TENM1: variants seen among roughly 807,000 people sequenced by gnomAD.
TENM1 encodes teneurin-1.
A neutral mutation model predicts 174.8 loss-of-function variants in TENM1; 35 were observed. The ratio of observed to expected loss-of-function variants is 0.20; its 90% CI spans 0.15 to 0.27. TENM1 has a LOEUF of 0.27. Among genes scored for constraint, TENM1 ranks in the 10% least tolerant of loss-of-function variants. The probability of loss-of-function intolerance (pLI) is 1.00; values close to 1 mark genes in which losing one functional copy is unlikely to be tolerated. For synonymous variants in TENM1, 781 were observed against 798.7 expected, an observed-to-expected ratio of 0.98 and a Z score of 0.37; for missense variants, 1,633 against 2,130.1, an observed-to-expected ratio of 0.77 and a Z score of 4.59.
chrX:125,191,542 A>C, the TENM1 span, among the ~76,000 whole-genome samples: 1 of 111,351 alleles, frequency 9.0e-6, no homozygotes, highest in Non-Finnish European at 1.9e-5. Context: ...TGATGAAGGA[A>C]CATTTGATCA....
chrX:125,069,821 A>C, the TENM1 span, among the ~76,000 whole-genome samples: 2 of 111,442 alleles, frequency 1.8e-5, no homozygotes, highest in Non-Finnish European at 3.8e-5. Flanking sequence ...GTTTTTTGAC[A>C]AATCTCCATA....
intron 3 of TENM1, among the ~76,000 whole-genome samples, chrX:124,825,158 C>CTTTTT (rs745471230): frequency 7.0e-3 from 427 of 60,879 alleles, no homozygotes; most frequent in Non-Finnish European, 9.2e-3. Flanking sequence ...AGCTGACTTT[C>CTTTTT]TTTTTTTTTT....
intron 23 of TENM1, among the ~76,000 whole-genome samples, chrX:124,439,567 T>C: frequency 9.0e-6 from 1 of 111,515 alleles, no homozygotes; most frequent in East Asian, 2.8e-4. Context: ...TTAAGACCAG[T>C]CTCTGGAACA....
chrX:124,992,648 A>G, the TENM1 span, among the ~76,000 whole-genome samples: 1 of 111,388 alleles, frequency 9.0e-6, no homozygotes, highest in Non-Finnish European at 1.9e-5. Context: ...CCCTCATTCC[A>G]GGGAAGGACC....
At chrX:124,942,283 T>C (rs1028296060) in intron 1 of TENM1, among the ~76,000 whole-genome samples, 2 of 111,734 alleles carry the variant, frequency 1.8e-5, no homozygotes, top group Non-Finnish European at 3.8e-5. Context: ...CTCTAGATTA[T>C]TGCAACATTT....
the TENM1 span, among the ~76,000 whole-genome samples, chrX:125,049,916 C>A: frequency 9.1e-6 from 1 of 109,473 alleles, no homozygotes; most frequent in Non-Finnish European, 1.9e-5. Context: ...GGATATGACT[C>A]TCTTATATGG....
At chrX:124,382,566 G>T in intron 31 of TENM1, 104 bp downstream of exon 34, 3 of 794,495 alleles carry the variant, frequency 3.8e-6, no homozygotes, top group Non-Finnish European at 5.4e-6. Context: ...GAATATTCAA[G>T]AAGACTAAAA....
chrX:124,832,014 A>C (rs2056299866), intron 3 of TENM1, among the ~76,000 whole-genome samples: 1 of 111,690 alleles, frequency 9.0e-6, no homozygotes, highest in Non-Finnish European at 1.9e-5. Flanking sequence ...GCAGTGCATA[A>C]TATACAATGC....
intron 1 of TENM1, among the ~76,000 whole-genome samples, chrX:124,903,722 A>G (rs2057700245): frequency 8.9e-6 from 1 of 111,978 alleles, no homozygotes. Context: ...GAGTCTGGAA[A>G]AAGAATCAGG....
chrX:124,884,339 G>A (rs1603260850), intron 3 of TENM1, among the ~76,000 whole-genome samples: 2 of 108,645 alleles, frequency 1.8e-5, no homozygotes, highest in African/African-American at 3.4e-5. Flanking sequence ...TGGAGACCGA[G>A]CTCTCAAAAT....
intron 14 of TENM1, among the ~76,000 whole-genome samples, chrX:124,558,846 G>A (rs563798029): frequency 3.2e-4 from 35 of 110,801 alleles, no homozygotes; most frequent in Middle Eastern, 4.7e-3. Flanking sequence ...CTAAAGAGAC[G>A]ATCATAAAAA....
chrX:124,406,419 G>C, exon 26 of TENM1: 1 of 1,209,432 alleles, frequency 8.3e-7, no homozygotes, highest in Non-Finnish European at 1.1e-6. Flanking sequence ...AGCTTCTCCA[G>C]GTCACTGTGG....
intron 7 of TENM1, among the ~76,000 whole-genome samples, chrX:124,652,381 T>A (rs2051330762): frequency 9.0e-6 from 1 of 111,502 alleles, no homozygotes; most frequent in Non-Finnish European, 1.9e-5. Context: ...CAACAAATTT[T>A]ATAAAAATTT....
the TENM1 span, among the ~76,000 whole-genome samples, chrX:125,144,271 A>T: frequency 8.9e-6 from 1 of 111,944 alleles, no homozygotes; most frequent in African/African-American, 3.2e-5. Context: ...AGCTTACTCC[A>T]TAAACTACAA....
intron 15 of TENM1, among the ~76,000 whole-genome samples, chrX:124,541,525 G>A (rs1416922957): frequency 1.8e-5 from 2 of 112,299 alleles, no homozygotes; most frequent in Non-Finnish European, 3.8e-5. Flanking sequence ...ATCACCAGAA[G>A]CTGAGCAGAT....
At chrX:124,937,534 C>T (rs1346481657) in intron 1 of TENM1, among the ~76,000 whole-genome samples, 2 of 111,461 alleles carry the variant, frequency 1.8e-5, no homozygotes, top group Non-Finnish European at 3.8e-5. Context: ...GAAGATACTC[C>T]CTGAGAAAGG....
chrX:124,398,632 CT>C (rs201392496), intron 27 of TENM1, among the ~76,000 whole-genome samples: 22,608 of 109,072 alleles, frequency 0.21, 1,903 homozygotes, highest in East Asian at 0.33. Context: ...TTCTTTTTTT[CT>C]TTTTTTTTAT....
the TENM1 span, among the ~76,000 whole-genome samples, chrX:125,060,179 TCTCACACACA>T: frequency 3.6e-5 from 3 of 82,419 alleles, no homozygotes; most frequent in African/African-American, 7.4e-5. Flanking sequence ...TCTCTCTCTC[TCTCACACACA>T]CACACACACA....
chrX:124,486,789 T>A (rs886974029), intron 21 of TENM1, among the ~76,000 whole-genome samples: 3 of 111,933 alleles, frequency 2.7e-5, no homozygotes, highest in Non-Finnish European at 5.6e-5. Flanking sequence ...GTCATCATGG[T>A]CACTGTCTCT....
Sources: allele counts gnomAD v4.1 joint callset (sites outside exome capture counted in the v4.1 genomes callset), GRCh38; gene constraint gnomAD v4.1.1; transcripts MANE v1.5; gene names NCBI Gene and HGNC (gene_info 2026-07-23, HGNC 2026-07-21).